Variants in TRPV5 observed in about 807,000 individuals in gnomAD.
The protein encoded by TRPV5 is calcium transport protein 2.
Under a neutral mutation model 74.1 loss-of-function variants are expected in TRPV5, and 66 were observed. The observed-to-expected ratio is 0.89, with a 90% CI of 0.73 to 1.09. The LOEUF is 1.09. TRPV5 is among the 50% of genes least tolerant of loss of function. TRPV5 has a pLI of 0.00. For synonymous variants in TRPV5, 399 were observed against 360.7 expected (o/e 1.11, Z -1.20); for missense variants, 936 against 930.4 (o/e 1.01, Z -0.08).
Position 142,908,429 on chromosome 7 carries a change from A to T in TRPV5, c.*85T>A. 1.4e-6 allele frequency: 2 copies of T among 1,451,932 alleles called. No homozygotes were observed. Among genetic ancestry groups the T allele is most frequent in the Non-Finnish European group, 1.9e-6 (2 of 1,052,362 alleles). 89.9% of individuals were successfully genotyped at this position (1,451,932 alleles called of 1,614,324 possible). On this transcript the variant is annotated 3_prime_UTR_variant, in exon 15 of 15. Transcript: ENST00000265310. ...CCCATGATTAACAGGCACAGAAGTT[A>T]GACACTTGCATAGGCAGAGGTCTCC...
chr7:142,927,612 A>C (rs1170880738), intron 7 of TRPV5, among the ~76,000 whole-genome samples: 1 of 150,276 alleles, frequency 6.7e-6, no homozygotes, highest in African/African-American at 2.4e-5. Flanking sequence ...GGAGGAAGAG[A>C]GAGCAGGGGG....
intron 5 of TRPV5, 43 bp downstream of exon 5, chr7:142,928,979 C>T (rs769163726): frequency 1.9e-6 from 3 of 1,613,092 alleles, no homozygotes; most frequent in East Asian, 4.5e-5. Flanking sequence ...CTGTCCCTCG[C>T]TCCCCACAGC....
chr7:142,913,677 G>C (rs1156915390), intron 12 of TRPV5, among the ~76,000 whole-genome samples: 2 of 152,096 alleles, frequency 1.3e-5, no homozygotes, highest in African/African-American at 4.8e-5. Context: ...TGTTGTTGTT[G>C]TTTTGTTTTG....
chr7:142,916,099 A>G (rs367672536), intron 8 of TRPV5, among the ~76,000 whole-genome samples: 1 of 152,258 alleles, frequency 6.6e-6, no homozygotes, highest in Non-Finnish European at 1.5e-5. Flanking sequence ...TCTCATCTGT[A>G]AAATGGAGGC....
At chr7:142,931,059 G>A (rs1481665314) in intron 1 of TRPV5, among the ~76,000 whole-genome samples, 1 of 114,228 alleles carries the variant, frequency 8.8e-6, no homozygotes, top group Non-Finnish European at 1.6e-5. Flanking sequence ...GTCTTGCTCT[G>A]TTGCCTAGGC....
intron 1 of TRPV5, among the ~76,000 whole-genome samples, chr7:142,931,069 C>T (rs367603177): frequency 3.0e-4 from 37 of 123,702 alleles, no homozygotes; most frequent in African/African-American, 1.1e-3. Context: ...GTTGCCTAGG[C>T]TGGAGTGCAG....
At chr7:142,914,828 T>C (rs1795764936) in intron 11 of TRPV5, 53 bp downstream of exon 11, 1 of 1,611,070 alleles carries the variant, frequency 6.2e-7, no homozygotes, top group Non-Finnish European at 8.5e-7. Flanking sequence ...TCCATCCCTC[T>C]GTCTGTGAAG....
chr7:142,928,882 G>A lies in TRPV5; in HGVS notation c.587-16C>T. The A allele has an allele frequency of 6.2e-7, 1 of 1,613,454 alleles. No individual in the cohort carries two copies. The highest frequency in any genetic ancestry group is 8.5e-7 in the Non-Finnish European group (1 of 1,179,620). On this transcript the variant is annotated splice_polypyrimidine_tract_variant and intron_variant, in intron 5 of 14. Transcript: ENST00000265310. ...ACTGTGTTTCCTGGGGAGGACGCAG[G>A]GTATCATGTGGCCACTGGCCTAAAG...
At chr7:142,926,934 A>G (rs1586226177) in intron 7 of TRPV5, among the ~76,000 whole-genome samples, 1 of 152,284 alleles carries the variant, frequency 6.6e-6, no homozygotes, top group Non-Finnish European at 1.5e-5. Flanking sequence ...GATTCCTGGG[A>G]AATTGTCACT....
rs781345251 is a variant in TRPV5 at position 142,909,595 on chromosome 7, A to G, written c.1790T>C (p.Val597Ala). 3 of 1,613,614 alleles carry G rather than the reference A, an allele frequency of 1.9e-6. No individual in the cohort carries two copies. In the Admixed American group the frequency reaches 5.0e-5, roughly 27 times the overall value. ...QERDELWRAQVVATTVMLERK... is the reference protein window; with the variant it reads ...QERDELWRAQAVATTVMLERK... ...CTCCAGCATCACTGTGGTGGCCACG[A>G]CCTGGAAGGAGGCAGGAGATACAGG... The change falls in exon 14 of 15, where the codon GTC becomes GCC. Residue 597 changes from valine (V) to alanine (A), a missense_variant and splice_region_variant. By Grantham distance (64) the Val-to-Ala change is moderately conservative. Coordinates refer to ENST00000265310, the MANE Select transcript of TRPV5 (RefSeq NM_019841.7).
At chr7:142,909,363 C>G in intron 14 of TRPV5, 127 bp downstream of exon 14, 1 of 924,010 alleles carries the variant, frequency 1.1e-6, no homozygotes, top group Non-Finnish European at 1.6e-6. Context: ...TTCTTCGTAC[C>G]CCTCCACTTC....
chr7:142,928,049 C>A lies in TRPV5; in HGVS notation c.909+39G>T, dbSNP rs752100576. 9 of 1,612,582 alleles carry A rather than the reference C, an allele frequency of 5.6e-6. 1 individual carries two copies. In the South Asian group the frequency reaches 6.6e-5, roughly 12 times the overall value. On this transcript the variant is annotated intron_variant, in intron 7 of 14. Transcript: ENST00000265310. ...ACAGACTCTGCACAAACACTAAATT[C>A]CCTCACATGACAGGCCTGATCCTCC...
chr7:142,933,451 A>C lies in TRPV5; in HGVS notation c.9T>G (p.Gly3=). 6.2e-7 allele frequency: 1 copy of C among 1,612,828 alleles called. No homozygotes were observed. Among genetic ancestry groups the C allele is most frequent in the African/African-American group, 1.3e-5 (1 of 74,768 alleles). Residue 3 remains glycine, a synonymous_variant, in exon 1 of 15, where the codon GGT becomes GGG. Coordinates refer to ENST00000265310, the MANE Select transcript of TRPV5 (RefSeq NM_019841.7). MG[G]FLPKAEGPGS... ...CGGGCCCTTCTGCCTTAGGTAGAAA[A>C]CCCCCCATGTCTTCTCCTTGCAGAC...
intron 8 of TRPV5, among the ~76,000 whole-genome samples, chr7:142,917,158 C>T (rs976750993): frequency 1.1e-4 from 16 of 151,370 alleles, no homozygotes; most frequent in South Asian, 4.2e-4. Flanking sequence ...TCTCTTCTCT[C>T]CTGAAATTCA....
intron 4 of TRPV5, 83 bp downstream of exon 4, chr7:142,929,345 A>G: frequency 6.4e-7 from 1 of 1,570,660 alleles, no homozygotes; most frequent in Non-Finnish European, 8.6e-7. Flanking sequence ...ATGGAGCTGA[A>G]GGCAGGACCC....
chr7:142,912,452 T>G, intron 13 of TRPV5, 30 bp downstream of exon 13: 1 of 1,593,980 alleles, frequency 6.3e-7, no homozygotes. Flanking sequence ...AACCCCTGCT[T>G]CTTAGCAAGA....
rs1471755473 is a variant in TRPV5 at position 142,915,561 on chromosome 7, T to C, written c.1130A>G (p.Tyr377Cys). 6.2e-7 allele frequency: 1 copy of C among 1,614,148 alleles called. No individual in the cohort carries two copies. The highest frequency in any genetic ancestry group is 1.1e-5 in the South Asian group (1 of 91,082). The change falls in exon 9 of 15, where the codon TAT becomes TGT. Residue 377 changes from tyrosine to cysteine, a missense_variant. Transcript: ENST00000265310. ...ILQQKLLQEAYETREDIIRLV... is the reference protein window; with the variant it reads ...ILQQKLLQEACETREDIIRLV... ...CCTGATGATATCTTCACGTGTCTCA[T>C]AGGCCTCCTATGTGGGGAAATTCAG... is the stretch of plus-strand genomic sequence containing the variant.
At position 142,912,655 on chromosome 7, in the gene TRPV5, T is replaced by C; in HGVS notation, c.1615A>G (p.Thr539Ala). 1 of 1,614,156 alleles carries C rather than the reference T, an allele frequency of 6.2e-7. No homozygotes were observed. The highest frequency in any genetic ancestry group is 8.5e-7 in the Non-Finnish European group (1 of 1,180,014). ...ALFTTFELFL[T>A]VIDAPANYDV... ...TAGTTGGCAGGTGCATCAATAACAG[T>C]GAGAAAAAGCTCAAAGGTGGTGAAC... The change falls in exon 13 of 15, where the codon ACT becomes GCT. Residue 539 changes from threonine (T) to alanine (A), a missense_variant. Physicochemically the swap from Thr to Ala is moderately conservative, Grantham distance 58 (BLOSUM62 0). Coordinates refer to ENST00000265310, the MANE Select transcript of TRPV5 (RefSeq NM_019841.7).
Position 142,923,207 on chromosome 7 carries a change from A to G in TRPV5, c.1122+2322T>C, listed in dbSNP as rs564664653. Among the ~76,000 whole-genome samples, 7 of 152,322 alleles carry G rather than the reference A, an allele frequency of 4.6e-5. No homozygotes were observed. In the South Asian group the frequency reaches 1.2e-3, roughly 27 times the overall value. ...TAAAGTATTCATTCATCTAAGAAAA[A>G]GCTCCACCAGCTAACTAATATGTCA... is the stretch of plus-strand genomic sequence containing the variant. On this transcript the variant is annotated intron_variant, in intron 8 of 14. Transcript: ENST00000265310.
Sources: gnomAD v4.1 joint callset for allele counts (sites outside exome capture counted in the v4.1 genomes callset) on GRCh38, gnomAD v4.1.1 for gene constraint, MANE v1.5 for transcripts, NCBI Gene and HGNC (gene_info 2026-07-23, HGNC 2026-07-21) for gene names.